Variants in TMTC2 observed in about 807,000 individuals in gnomAD.
TMTC2 encodes transmembrane O-mannosyltransferase targeting cadherins 2, also known as protein O-mannosyl-transferase TMTC2.
A neutral mutation model predicts 82.4 loss-of-function variants in TMTC2; 43 were observed. The ratio of observed to expected loss-of-function variants is 0.52; its 90% confidence interval spans 0.41 to 0.67. The LOEUF (loss-of-function observed/expected upper bound fraction) is 0.67. Ranked by LOEUF, TMTC2 falls within the 30% of genes least tolerant of loss-of-function variation. TMTC2 has a pLI of 0.00. For missense variants in TMTC2, 919 were observed against 1,012.4 expected, an observed-to-expected ratio of 0.91 and a Z score of 1.25; for synonymous variants, 408 against 381.9, an observed-to-expected ratio of 1.07 and a Z score of -0.80.
intron 11 of TMTC2, among the ~76,000 whole-genome samples, chr12:83,121,748 A>G (rs932003975): frequency 6.6e-6 from 1 of 152,010 alleles, no homozygotes; most frequent in Non-Finnish European, 1.5e-5. Flanking sequence ...TTCAGTTACC[A>G]GGGTGGGTAG....
At chr12:83,079,338 C>T (rs1351746628) in intron 11 of TMTC2, among the ~76,000 whole-genome samples, 1 of 152,036 alleles carries the variant, frequency 6.6e-6, no homozygotes, top group Non-Finnish European at 1.5e-5. Flanking sequence ...TAATAAAACT[C>T]ACTAAAACAA....
intron 4 of TMTC2, among the ~76,000 whole-genome samples, chr12:82,961,876 G>A (rs1394214608): frequency 2.0e-5 from 3 of 152,014 alleles, no homozygotes; most frequent in South Asian, 4.1e-4. Context: ...CCATTCTTGG[G>A]CATAGTTAAT....
intron 8 of TMTC2, among the ~76,000 whole-genome samples, chr12:83,024,082 G>A (rs772347158): frequency 1.3e-5 from 2 of 152,160 alleles, no homozygotes; most frequent in Admixed American, 1.3e-4. Context: ...GTTCAGAAGA[G>A]CTAGAAGAGA....
chr12:82,735,409 G>C (rs893346561), intron 1 of TMTC2, among the ~76,000 whole-genome samples: 2 of 150,550 alleles, frequency 1.3e-5, no homozygotes, highest in African/African-American at 4.9e-5. Flanking sequence ...GCAGTGGCGC[G>C]ATCTCGGCTC....
chr12:83,078,872 T>G (rs1449877639), intron 11 of TMTC2, among the ~76,000 whole-genome samples: 1 of 152,128 alleles, frequency 6.6e-6, no homozygotes, highest in Non-Finnish European at 1.5e-5. Context: ...AGGGCAAATA[T>G]GGTGACATTA....
chr12:82,982,926 C>A (rs191704571), intron 7 of TMTC2, among the ~76,000 whole-genome samples: 27 of 151,976 alleles, frequency 1.8e-4, no homozygotes, highest in African/African-American at 6.0e-4. Context: ...TTTTTTCCAT[C>A]TTTAAAATCC....
intron 1 of TMTC2, among the ~76,000 whole-genome samples, chr12:82,811,963 A>C (rs944212314): frequency 2.0e-5 from 3 of 151,330 alleles, no homozygotes; most frequent in Non-Finnish European, 4.4e-5. Flanking sequence ...GATTATAGGC[A>C]CCTGTCACCA....
chr12:83,016,742 A>G (rs1447208949), intron 8 of TMTC2, among the ~76,000 whole-genome samples: 1 of 152,242 alleles, frequency 6.6e-6, no homozygotes, highest in Non-Finnish European at 1.5e-5. Context: ...ATGTAATAGC[A>G]TGAACTGTGA....
intron 2 of TMTC2, among the ~76,000 whole-genome samples, chr12:82,881,447 G>T (rs1360257295): frequency 6.6e-6 from 1 of 152,144 alleles, no homozygotes; most frequent in African/African-American, 2.4e-5. Flanking sequence ...ATAAATTAGA[G>T]CGATTACAAT....
intron 1 of TMTC2, among the ~76,000 whole-genome samples, chr12:82,789,568 AG>A (rs778388873): frequency 1.3e-5 from 2 of 152,156 alleles, no homozygotes; most frequent in Non-Finnish European, 2.9e-5. Flanking sequence ...ATAGAAATAT[AG>A]ACTAAGCCAG....
intron 8 of TMTC2, among the ~76,000 whole-genome samples, chr12:83,000,501 T>A (rs1879870363): frequency 6.6e-6 from 1 of 152,216 alleles, no homozygotes; most frequent in Non-Finnish European, 1.5e-5. Context: ...CAGGTCATGC[T>A]GATGCAAGAT....
chr12:83,030,987 T>C (rs961614656), intron 9 of TMTC2, 108 bp downstream of exon 9: 2 of 774,786 alleles, frequency 2.6e-6, no homozygotes, highest in Non-Finnish European at 4.3e-6. Context: ...ATGGACTTTG[T>C]TATTGCAGAT....
chr12:83,060,507 T>G lies in TMTC2; in HGVS notation c.2268-1261T>G, dbSNP rs149675978. On this transcript the variant is annotated intron_variant, in intron 10 of 11. Transcript: ENST00000321196. ...GTCATCTTCTTGTCTCAATAGCTTC[T>G]TTACATCACAGCTTCAAGAGAACAC... Among the ~76,000 whole-genome samples the G allele has an allele frequency of 3.2e-3, 481 of 151,898 alleles. 2 individuals are homozygous for G. Among genetic ancestry groups the G allele is most frequent in the African/African-American group, 0.011 (457 of 41,490 alleles).
intron 1 of TMTC2, among the ~76,000 whole-genome samples, chr12:82,765,177 G>A (rs540433123): frequency 6.6e-6 from 1 of 152,238 alleles, no homozygotes; most frequent in African/African-American, 2.4e-5. Context: ...CCCAGTTCTC[G>A]AGCTTGACAT....
At chr12:82,991,322 C>T (rs933062887) in intron 8 of TMTC2, among the ~76,000 whole-genome samples, 2 of 152,012 alleles carry the variant, frequency 1.3e-5, no homozygotes, top group African/African-American at 2.4e-5. Flanking sequence ...TAGTAAGTTA[C>T]AAGTTATTTA....
intron 1 of TMTC2, among the ~76,000 whole-genome samples, chr12:82,762,290 G>A (rs1876696254): frequency 6.6e-6 from 1 of 151,996 alleles, no homozygotes; most frequent in South Asian, 2.1e-4. Context: ...TACTCTATCT[G>A]GAACCAGTTT....
chr12:82,748,783 A>AG (rs1290725169), intron 1 of TMTC2, among the ~76,000 whole-genome samples: 3 of 152,194 alleles, frequency 2.0e-5, no homozygotes, highest in African/African-American at 7.2e-5. Context: ...AGGCTGAGGC[A>AG]GGAGAATCGC....
At chr12:82,815,265 C>A (rs748914050) in intron 1 of TMTC2, among the ~76,000 whole-genome samples, 11 of 148,168 alleles carry the variant, frequency 7.4e-5, no homozygotes, top group Non-Finnish European at 1.5e-4. Context: ...CTCCCGAGTT[C>A]ACGCCATTCT....
chr12:82,866,483 A>G (rs2137129292), intron 2 of TMTC2, among the ~76,000 whole-genome samples: 1 of 152,302 alleles, frequency 6.6e-6, no homozygotes, highest in Middle Eastern at 3.4e-3. Context: ...CCGTCAGTGA[A>G]AATGACACGC....
Sources: allele counts gnomAD v4.1 joint callset (sites outside exome capture counted in the v4.1 genomes callset), GRCh38; gene constraint gnomAD v4.1.1; transcripts MANE v1.5; gene names NCBI Gene and HGNC (gene_info 2026-07-23, HGNC 2026-07-21).